PTBP2: variants seen among roughly 807,000 people sequenced by gnomAD.
The protein encoded by PTBP2 is polypyrimidine tract-binding protein 2.
Under a neutral mutation model 61.4 loss-of-function variants are expected in PTBP2, and 13 were observed. That is an observed-to-expected ratio of 0.21 (90% CI 0.14 to 0.34). The LOEUF (loss-of-function observed/expected upper bound fraction) is 0.34, where lower values mean the gene tolerates loss of function less well. Among genes scored for constraint, PTBP2 ranks in the 10% least tolerant of loss-of-function variants. The pLI, the probability that PTBP2 is intolerant of heterozygous loss-of-function variation, is 1.00. For missense variants in PTBP2, 405 were observed against 642.6 expected, an observed-to-expected ratio of 0.63 and a Z score of 4.00; for synonymous variants, 215 against 218.5, an observed-to-expected ratio of 0.98 and a Z score of 0.14.
At chr1:96,806,706 C>A in intron 10 of PTBP2, 160 bp from the exon 11 acceptor site, 1 of 678,510 alleles carries the variant, frequency 1.5e-6, no homozygotes, top group South Asian at 1.8e-5. Context: ...ATTCACTGTT[C>A]AAAATCTTGA....
At chr1:96,779,555 T>G (rs1380101338) in intron 7 of PTBP2, among the ~76,000 whole-genome samples, 1 of 152,076 alleles carries the variant, frequency 6.6e-6, no homozygotes, top group Non-Finnish European at 1.5e-5. Flanking sequence ...TTTTGTTTAA[T>G]CTTCTGTGAA....
chr1:96,725,947 T>C (rs973427055), intron 2 of PTBP2, among the ~76,000 whole-genome samples: 2 of 151,038 alleles, frequency 1.3e-5, no homozygotes, highest in African/African-American at 4.9e-5. Context: ...TGGTGACGGG[T>C]GCCTGTAGTC....
chr1:96,785,437 G>A (rs1659110455), intron 8 of PTBP2, among the ~76,000 whole-genome samples, 183 bp downstream of exon 8: 2 of 152,144 alleles, frequency 1.3e-5, no homozygotes, highest in African/African-American at 4.8e-5. Flanking sequence ...TTCTTTATAA[G>A]TCTAATTAAA....
At chr1:96,767,975 C>T (rs890657575) in intron 3 of PTBP2, among the ~76,000 whole-genome samples, 4 of 152,144 alleles carry the variant, frequency 2.6e-5, no homozygotes, top group Admixed American at 6.5e-5. Flanking sequence ...AATGCATTGG[C>T]TTGCCGTTCA....
chr1:96,777,491 A>G (rs1189900684), intron 5 of PTBP2, 94 bp from the exon 6 acceptor site: 1 of 1,136,650 alleles, frequency 8.8e-7, no homozygotes, highest in East Asian at 2.6e-5. Context: ...AATCTGTGTA[A>G]GTTCTAGGAA....
rs1662270978 is a variant in PTBP2 at position 96,813,527 on chromosome 1, T to C, written c.*122T>C. On this transcript the variant is annotated 3_prime_UTR_variant, in exon 14 of 14. Transcript: ENST00000674951. Reference sequence around the variant, plus strand: ...GTTTTTGTTTTTTTGGGGTTTCTTTTTTTTTTCCATGCTGTTATCATTCCT... The same window carrying C: ...GTTTTTGTTTTTTTGGGGTTTCTTTCTTTTTTCCATGCTGTTATCATTCCT... 1 of 974,204 alleles carries C rather than the reference T, an allele frequency of 1.0e-6. No homozygotes were observed. Among genetic ancestry groups the C allele is most frequent in the Non-Finnish European group, 1.4e-6 (1 of 702,726 alleles). The allele number at this position is 974,204 out of a possible 1,614,324, so 60.3% of individuals were successfully genotyped here.
rs765290584 is a variant in PTBP2 at position 96,804,812 on chromosome 1, C to G, written c.917C>G (p.Ala306Gly). 18 of 1,609,342 alleles carry G rather than the reference C, an allele frequency of 1.1e-5. No individual in the cohort carries two copies. The highest frequency in any genetic ancestry group is 3.4e-6 in the Non-Finnish European group (4 of 1,177,298). The stretch of plus-strand genomic sequence containing the variant: ...CTTCCTGTTGCAGCTGTTCCAGGAG[C>G]TCTGAGTCCTTTGGCCATTCCAAAT... ...KETSLLAVPG[A>G]LSPLAIPNAA... Residue 306 changes from alanine (A) to glycine (G), a missense_variant, in exon 9 of 14, where the codon GCT becomes GGT. By Grantham distance (60) the Ala-to-Gly change is moderately conservative. This residue lies in a region of PTBP2 where 342 missense variants were observed against 491.2 expected (regional missense o/e 0.70). Transcript: ENST00000674951.
chr1:96,794,678 A>C (rs1660187194), intron 8 of PTBP2, among the ~76,000 whole-genome samples: 1 of 152,194 alleles, frequency 6.6e-6, no homozygotes, highest in African/African-American at 2.4e-5. Context: ...AGCTTATCAG[A>C]GACAGAAAAC....
intron 8 of PTBP2, among the ~76,000 whole-genome samples, chr1:96,791,839 T>TTTTTTGTTGTTTTTTTTTTG: frequency 7.2e-6 from 1 of 138,184 alleles, no homozygotes; most frequent in Non-Finnish European, 1.6e-5. Context: ...TTTTTTTTTT[T>TTTTTTGTTGTTTTTTTTTTG]TTTTTTTTTT....
At position 96,812,574 on chromosome 1, in the gene PTBP2, T is replaced by C. The variant is rs147616623; in HGVS notation, c.1172-138T>C. 1,191 of 716,120 alleles carry C rather than the reference T, an allele frequency of 1.7e-3. 20 individuals are homozygous for C. The East Asian group carries it at 0.03, about 18-fold the overall frequency. 44.4% of individuals were successfully genotyped at this position (716,120 alleles called of 1,614,324 possible). ...CAAATGAAAATGTACTTAAGTCTTATCACCAGTGGCTATGGTAAATTGGTG... is the reference window on the plus strand; with the variant it reads ...CAAATGAAAATGTACTTAAGTCTTACCACCAGTGGCTATGGTAAATTGGTG... On this transcript the variant is annotated intron_variant, in intron 11 of 13. Transcript: ENST00000674951.
intron 3 of PTBP2, among the ~76,000 whole-genome samples, chr1:96,763,130 A>G (rs1656209398): frequency 6.6e-6 from 1 of 151,450 alleles, no homozygotes. Flanking sequence ...CACGTTCCAG[A>G]CGATGGGCGG....
At position 96,734,539 on chromosome 1, in the gene PTBP2, A is replaced by G. The variant is rs1570717075; in HGVS notation, c.39+10945A>G. Among the ~76,000 whole-genome samples the G allele has an allele frequency of 2.0e-5, 3 of 152,100 alleles. No individual in the cohort carries two copies. The East Asian group carries it at 5.8e-4, about 29-fold the overall frequency. ...TTTAACAGGTCGTTATTACCTCTTA[A>G]ATATCTTTTAATGTACAAGCTCTCC... On this transcript the variant is annotated intron_variant, in intron 2 of 13. Coordinates refer to ENST00000674951, the MANE Select transcript of PTBP2 (RefSeq NM_021190.4).
Position 96,785,070 on chromosome 1 carries a change from T to G in PTBP2, c.720T>G (p.Gly240=), listed in dbSNP as rs183627830. 2.5e-6 allele frequency: 4 copies of G among 1,587,968 alleles called. No individual in the cohort carries two copies. The African/African-American group carries it at 5.5e-5, about 22-fold the overall frequency. ...ATTCACTTTTACAGGCCCTAGATGG[T>G]CAGAATATTTATAATGCCTGCTGTA... ...NAQQAKLALD[G]QNIYNACCTL... The change falls in exon 8 of 14, where the codon GGT becomes GGG. Residue 240 remains glycine, a synonymous_variant. Coordinates refer to ENST00000674951, the MANE Select transcript of PTBP2 (RefSeq NM_021190.4).
intron 8 of PTBP2, 64 bp downstream of exon 8, chr1:96,785,318 T>A (rs1659094124): frequency 9.4e-6 from 12 of 1,279,248 alleles, no homozygotes; most frequent in Non-Finnish European, 1.2e-5. Context: ...TACCAGTAAG[T>A]ATAATGAATC....
intron 9 of PTBP2, 39 bp from the exon 10 acceptor site, chr1:96,806,377 CTCT>C (rs1205940167): frequency 6.9e-7 from 1 of 1,448,254 alleles, no homozygotes; most frequent in Non-Finnish European, 9.7e-7. Context: ...CGACTCTTCT[CTCT>C]TCTTGTCTTA....
chr1:96,751,347 A>C (rs1654514164), intron 2 of PTBP2, 78 bp from the exon 3 acceptor site: 1 of 1,115,180 alleles, frequency 9.0e-7, no homozygotes, highest in East Asian at 2.4e-5. Flanking sequence ...GTAACATTTG[A>C]CATTTAAGTG....
At chr1:96,761,265 T>C (rs1655813483) in intron 3 of PTBP2, among the ~76,000 whole-genome samples, 1 of 151,864 alleles carries the variant, frequency 6.6e-6, no homozygotes, top group Admixed American at 6.6e-5. Flanking sequence ...TTTCCAGTAG[T>C]TGTGTCTTGC....
At chr1:96,821,921 C>T (rs906826048) in exon 14 of PTBP2, 2 of 152,180 alleles carry the variant, frequency 1.3e-5, no homozygotes, top group Non-Finnish European at 2.9e-5. Context: ...AGCCACCGCT[C>T]CCAGCCTATT....
chr1:96,774,418 A>G (rs1295549395), intron 5 of PTBP2, among the ~76,000 whole-genome samples: 9 of 145,644 alleles, frequency 6.2e-5, no homozygotes, highest in Admixed American at 6.0e-4. Context: ...ATTTGATAAA[A>G]TTATTCTCAG....
Sources: gnomAD v4.1 joint callset for allele counts (sites outside exome capture counted in the v4.1 genomes callset) on GRCh38, gnomAD v4.1.1 for gene constraint, gnomAD v4.1.1 regional missense constraint, MANE v1.5 for transcripts, NCBI Gene and HGNC (gene_info 2026-07-23, HGNC 2026-07-21) for gene names.